Variants in PTDSS2 observed in about 807,000 individuals in gnomAD.
The protein encoded by PTDSS2 is PSS-2.
Under a neutral mutation model 64.7 loss-of-function variants are expected in PTDSS2, and 41 were observed. The ratio of observed to expected loss-of-function variants is 0.63; its 90% confidence interval spans 0.49 to 0.82. The LOEUF (loss-of-function observed/expected upper bound fraction) is 0.82. Among genes scored for constraint, PTDSS2 ranks in the 40% least tolerant of loss-of-function variants. The probability of loss-of-function intolerance (pLI) is 0.00; values close to 1 mark genes in which losing one functional copy is unlikely to be tolerated. For missense variants in PTDSS2, 485 were observed against 650.0 expected (o/e 0.75, Z 2.76); for synonymous variants, 297 against 277.8 (o/e 1.07, Z -0.69).
rs775004453 is a variant in PTDSS2 at position 489,512 on chromosome 11, G to C, written c.967G>C (p.Val323Leu). The C allele has an allele frequency of 6.2e-7, 1 of 1,612,828 alleles. No individual in the cohort carries two copies. Among genetic ancestry groups the C allele is most frequent in the Non-Finnish European group, 8.5e-7 (1 of 1,179,500 alleles). ...GCTGGCCGTGTGCGGCATCATCCTGGTGGTAAGGCCGGGCTGCCTCGCGAC... is the reference window on the plus strand; with the variant it reads ...GCTGGCCGTGTGCGGCATCATCCTGCTGGTAAGGCCGGGCTGCCTCGCGAC... Reference protein sequence around the residue: ...RWLAVCGIILVFLLAELNTFY... With the variant: ...RWLAVCGIILLFLLAELNTFY... Residue 323 changes from valine (V) to leucine (L), a missense_variant and splice_region_variant, in exon 9 of 12, where the codon GTG becomes CTG. Around this residue, in one of 3 missense-constraint regions of PTDSS2, gnomAD observed 219 missense variants for 257.3 expected, o/e 0.85. Transcript: ENST00000308020.
intron 2 of PTDSS2, among the ~76,000 whole-genome samples, chr11:468,178 A>G (rs1256725331): frequency 2.0e-5 from 3 of 152,232 alleles, no homozygotes; most frequent in Non-Finnish European, 2.9e-5. Flanking sequence ...GGAACCTTAA[A>G]TACATGTTTC....
At chr11:464,225 C>A (rs1260703384) in intron 2 of PTDSS2, among the ~76,000 whole-genome samples, 1 of 152,118 alleles carries the variant, frequency 6.6e-6, no homozygotes, top group East Asian at 1.9e-4. Context: ...ACAGACAGTA[C>A]ACCCGCCTCA....
At position 450,671 on chromosome 11, in the gene PTDSS2, G is replaced by A. The variant is rs569110004; in HGVS notation, c.182+34G>A. ...AGTGGGCGGCCGCGGGGCGGCGAGG[G>A]TGCCCTCGACCTGGGGGTTCCGGCA... is the stretch of plus-strand genomic sequence containing the variant. On this transcript the variant is annotated intron_variant, in intron 1 of 11. Coordinates refer to ENST00000308020, the MANE Select transcript of PTDSS2 (RefSeq NM_030783.3). The A allele has an allele frequency of 8.1e-6, 10 of 1,241,482 alleles. No homozygotes were observed. In the Admixed American group the frequency reaches 1.7e-4, roughly 21 times the overall value. 76.9% of individuals were successfully genotyped at this position (1,241,482 alleles called of 1,614,324 possible). A position where few individuals can be genotyped will look rare whatever the true frequency, so the allele number is the denominator to read the frequency against.
intron 4 of PTDSS2, 125 bp from the exon 5 acceptor site, chr11:486,814 T>C (rs901557054): frequency 3.2e-5 from 42 of 1,294,536 alleles, no homozygotes; most frequent in Non-Finnish European, 3.4e-5. Flanking sequence ...CGCCACTGCA[T>C]TCCAGCCTGG....
At chr11:449,638 C>T (rs974557411), upstream of PTDSS2, among the ~76,000 whole-genome samples, 2 of 152,166 alleles carry the variant, frequency 1.3e-5, no homozygotes, top group African/African-American at 2.4e-5. Flanking sequence ...CCCAATTTCA[C>T]GCGATCCTGC....
rs1847372956 is a variant in PTDSS2 at position 470,436 on chromosome 11, C to T, written c.285-3459C>T. 6.6e-6 allele frequency among the ~76,000 whole-genome samples: 1 copy of T among 152,070 alleles called. No individual in the cohort carries two copies. The highest frequency in any genetic ancestry group is 1.5e-5 in the Non-Finnish European group (1 of 68,026). On this transcript the variant is annotated intron_variant, in intron 2 of 11. Coordinates refer to ENST00000308020, the MANE Select transcript of PTDSS2 (RefSeq NM_030783.3). This position sits in a 1 kb window ranked among gnomAD's most constrained non-coding sequence, Gnocchi z 5.3. ...GAGAAACCGTCCCAGCCTCGGGGAGCCTGAAGAGACAGAACGAGTAGATGC... is the reference window on the plus strand; with the variant it reads ...GAGAAACCGTCCCAGCCTCGGGGAGTCTGAAGAGACAGAACGAGTAGATGC...
intron 1 of PTDSS2, among the ~76,000 whole-genome samples, chr11:452,024 T>G (rs1375503310): frequency 6.6e-6 from 1 of 152,104 alleles, no homozygotes; most frequent in Non-Finnish European, 1.5e-5. Context: ...CTTCAGGCTG[T>G]CCTCCCGCAG....
chr11:455,876 G>A (rs576819705), intron 1 of PTDSS2, among the ~76,000 whole-genome samples: 5 of 152,348 alleles, frequency 3.3e-5, no homozygotes, highest in African/African-American at 4.8e-5. Context: ...GCTCAGGAAC[G>A]CAGGCTGTGT....
Position 476,552 on chromosome 11 carries a change from T to G in PTDSS2, c.368-2533T>G, listed in dbSNP as rs1847813738. On this transcript the variant is annotated intron_variant, in intron 3 of 11. Coordinates refer to ENST00000308020, the MANE Select transcript of PTDSS2 (RefSeq NM_030783.3). The surrounding 1 kb of genome is among the most constrained non-coding windows in gnomAD (Gnocchi z 4.9). The stretch of plus-strand genomic sequence containing the variant: ...CTGGGGACTGGGACGCAGCCGTGAG[T>G]GGGACAGACTGGTCAGCAGGCAGCA... 1.3e-5 allele frequency among the ~76,000 whole-genome samples: 2 copies of G among 151,922 alleles called. No homozygotes were observed. The highest frequency in any genetic ancestry group is 1.3e-4 in the Admixed American group (2 of 15,264).
At chr11:475,031 T>TGTTTGTGTGATACGGACATTCACGC (rs1296796051) in intron 3 of PTDSS2, among the ~76,000 whole-genome samples, 2 of 69,444 alleles carry the variant, frequency 2.9e-5, no homozygotes, top group African/African-American at 1.2e-4. Context: ...CATATTCACG[T>TGTTTGTGTGATACGGACATTCACGC]GTTTGTGTGA....
At position 479,015 on chromosome 11, in the gene PTDSS2, G is replaced by T; in HGVS notation, c.368-70G>T. ...ACTGGGTGTGAAGGAGCCAGGAGCC[G>T]GCCTGGGGCTGAGCGGGGCCGTGGA... On this transcript the variant is annotated intron_variant, in intron 3 of 11. Transcript: ENST00000308020. This position sits in a 1 kb window ranked among gnomAD's most constrained non-coding sequence, Gnocchi z 4.2. 7.5e-7 allele frequency: 1 copy of T among 1,327,214 alleles called. No homozygotes were observed. Among genetic ancestry groups the T allele is most frequent in the African/African-American group, 1.4e-5 (1 of 69,136 alleles). 82.2% of individuals were successfully genotyped at this position (1,327,214 alleles called of 1,614,324 possible).
At chr11:469,514 C>T (rs1358458378) in intron 2 of PTDSS2, among the ~76,000 whole-genome samples, 1 of 150,194 alleles carries the variant, frequency 6.7e-6, no homozygotes, top group Non-Finnish European at 1.5e-5. Flanking sequence ...TCTGGGTAAT[C>T]GGAGGGAGGA....
chr11:465,453 GTGAGCTATCA>G (rs548105949), intron 2 of PTDSS2, among the ~76,000 whole-genome samples: 57 of 152,300 alleles, frequency 3.7e-4, no homozygotes, highest in African/African-American at 1.3e-3. Context: ...GATTACAGAT[GTGAGCTATCA>G]TGCCCAGGCA....
At position 470,535 on chromosome 11, in the gene PTDSS2, A is replaced by G. The variant is rs1470276074; in HGVS notation, c.285-3360A>G. ...CATCAGGGGAGAGCGAAGGAAGTGT[A>G]GGCCTCAGCAGCTGTGTGGCAGCAC... On this transcript the variant is annotated intron_variant, in intron 2 of 11. Transcript: ENST00000308020. This position sits in a 1 kb window ranked among gnomAD's most constrained non-coding sequence, Gnocchi z 5.3. Among the ~76,000 whole-genome samples the G allele has an allele frequency of 2.0e-5, 3 of 152,282 alleles. No homozygotes were observed. The East Asian group carries it at 5.8e-4, about 29-fold the overall frequency.
chr11:471,508 G>T (rs1047176691), intron 2 of PTDSS2, among the ~76,000 whole-genome samples: 1 of 152,412 alleles, frequency 6.6e-6, no homozygotes, highest in East Asian at 1.9e-4. Context: ...GCAGCATGCC[G>T]TGTGGGGGCT....
intron 2 of PTDSS2, among the ~76,000 whole-genome samples, chr11:467,664 C>A (rs891470584): frequency 6.6e-6 from 1 of 151,806 alleles, no homozygotes; most frequent in Admixed American, 6.6e-5. Context: ...GGCCAGGAGG[C>A]GGAGGTTGCA....
intron 2 of PTDSS2, among the ~76,000 whole-genome samples, chr11:468,916 GGGGAGTCTCTGGGTAATCGGAGAAA>G (rs1335759861): frequency 8.4e-4 from 126 of 149,270 alleles, no homozygotes; most frequent in African/African-American, 2.9e-3. Context: ...GGAGGGAGGA[GGGGAGTCTCTGGGTAATCGGAGAAA>G]GAGGGGAGTC....
At chr11:456,425 C>T (rs1181939370) in intron 1 of PTDSS2, among the ~76,000 whole-genome samples, 2 of 151,728 alleles carry the variant, frequency 1.3e-5, no homozygotes, top group Non-Finnish European at 2.9e-5. Context: ...GATCCTCCTG[C>T]CTCAGCCTCC....
Position 479,404 on chromosome 11 carries a change from T to G in PTDSS2, c.435+252T>G. ...GGGGGCCTCCAGGAGCATCTGCTGG[T>G]GGGGCGCTGACTGTGGCCATTTAGC... On this transcript the variant is annotated intron_variant, in intron 4 of 11. Transcript: ENST00000308020. This position sits in a 1 kb window ranked among gnomAD's most constrained non-coding sequence, Gnocchi z 4.2. 1 of 577,802 alleles carries G rather than the reference T, an allele frequency of 1.7e-6. No individual in the cohort carries two copies. The highest frequency in any genetic ancestry group is 1.9e-5 in the African/African-American group (1 of 52,036). 35.8% of individuals were successfully genotyped at this position (577,802 alleles called of 1,614,324 possible).
Sources: allele counts gnomAD v4.1 joint callset (sites outside exome capture counted in the v4.1 genomes callset), GRCh38; gene constraint gnomAD v4.1.1; regional missense constraint gnomAD v4.1.1; non-coding constraint Gnocchi (gnomAD v3.1); transcripts MANE v1.5; gene names NCBI Gene and HGNC (gene_info 2026-07-23, HGNC 2026-07-21).